IFT80: variants seen among roughly 807,000 people sequenced by gnomAD.
The protein encoded by IFT80 is intraflagellar transport 80, also known as intraflagellar transport protein 80 homolog.
IFT80 carries 79 observed loss-of-function variants against 107.9 expected under a neutral mutation model. That is an observed-to-expected ratio of 0.73 (90% CI 0.61 to 0.88). IFT80 has a LOEUF of 0.88. Ranked by LOEUF, IFT80 falls within the 40% of genes least tolerant of loss-of-function variation. The pLI, the probability that IFT80 is intolerant of heterozygous loss-of-function variation, is 0.00. For synonymous variants in IFT80, 299 were observed against 300.9 expected, an observed-to-expected ratio of 0.99 and a Z score of 0.07; for missense variants, 797 against 914.2, an observed-to-expected ratio of 0.87 and a Z score of 1.65.
chr3:160,360,888 C>G (rs1002608665), intron 6 of IFT80, among the ~76,000 whole-genome samples: 1 of 152,160 alleles, frequency 6.6e-6, no homozygotes, highest in Non-Finnish European at 1.5e-5. Context: ...CAACCAGTAC[C>G]AGCCACTGCA....
At chr3:160,353,911 T>C (rs1187950744) in intron 8 of IFT80, among the ~76,000 whole-genome samples, 2 of 152,212 alleles carry the variant, frequency 1.3e-5, no homozygotes, top group Non-Finnish European at 2.9e-5. Flanking sequence ...AACGACTAGA[T>C]GCCTAACGAG....
In IFT80 at chr3:160,328,866, C is replaced by A. The variant is rs552871695; in HGVS notation, c.778-8927G>T. On this transcript the variant is annotated intron_variant, in intron 8 of 19. Transcript: ENST00000326448. Reference sequence around the variant, plus strand: ...TGGATGGAGTTGGTGGGACATTATCCTTAGCAAACAAACACAGGAGCAGAA... The same window carrying A: ...TGGATGGAGTTGGTGGGACATTATCATTAGCAAACAAACACAGGAGCAGAA... 2.6e-5 allele frequency among the ~76,000 whole-genome samples: 4 copies of A among 152,082 alleles called. No homozygotes were observed. In the South Asian group the frequency reaches 8.3e-4, roughly 32 times the overall value.
At chr3:160,300,007 A>G (rs1034778201) in intron 12 of IFT80, among the ~76,000 whole-genome samples, 5 of 151,572 alleles carry the variant, frequency 3.3e-5, no homozygotes, top group Admixed American at 6.6e-5. Context: ...CCCACTCTCT[A>G]CCTAGCTCAT....
At chr3:160,305,552 T>C (rs1199594132) in intron 10 of IFT80, among the ~76,000 whole-genome samples, 1 of 152,080 alleles carries the variant, frequency 6.6e-6, no homozygotes, top group Non-Finnish European at 1.5e-5. Context: ...GGGTTTAATA[T>C]CCCCTTAGAA....
At position 160,280,728 on chromosome 3, in the gene IFT80, G is replaced by A. The variant is rs1350943963; in HGVS notation, c.1603C>T (p.Pro535Ser). 1.2e-6 allele frequency: 2 copies of A among 1,612,336 alleles called. No individual in the cohort carries two copies. The highest frequency in any genetic ancestry group is 1.7e-4 in the Middle Eastern group (1 of 6,052). Residue 535 changes from proline to serine, a missense_variant, in exon 15 of 20, where the codon CCC becomes TCC. Physicochemically the swap from Pro to Ser is moderately conservative, Grantham distance 74. Coordinates refer to ENST00000326448, the MANE Select transcript of IFT80 (RefSeq NM_020800.3). ...TCTCTGTCCACATAAACTGTATTGG[G>A]GTAATACCACACTATAAATCGAGTA... ...QDTRFIVWYY[P>S]NTVYVDRDIL...
In IFT80 at chr3:160,279,181, A is replaced by G. The variant is rs1484602907; in HGVS notation, c.1836+12T>C. 1.2e-6 allele frequency: 2 copies of G among 1,606,488 alleles called. No homozygotes were observed. Among genetic ancestry groups the G allele is most frequent in the Non-Finnish European group, 1.7e-6 (2 of 1,173,278 alleles). On this transcript the variant is annotated intron_variant, in intron 16 of 19. Transcript: ENST00000326448. ...AATATATATACAACTATGAATCTAA[A>G]ATGTAAATTACCTTAACAAAGCGAC...
At chr3:160,372,360 G>A (rs1180152561) in intron 5 of IFT80, among the ~76,000 whole-genome samples, 1 of 152,126 alleles carries the variant, frequency 6.6e-6, no homozygotes, top group South Asian at 2.1e-4. Flanking sequence ...ACTCTCAGTA[G>A]TTCAGATTTA....
chr3:160,360,447 A>T (rs933453575), intron 6 of IFT80, among the ~76,000 whole-genome samples: 1 of 152,192 alleles, frequency 6.6e-6, no homozygotes, highest in African/African-American at 2.4e-5. Flanking sequence ...ATATTATCCA[A>T]GAGAACTTCC....
At chr3:160,267,140 C>T (rs1428281350) in intron 19 of IFT80, among the ~76,000 whole-genome samples, 1 of 152,150 alleles carries the variant, frequency 6.6e-6, no homozygotes, top group Admixed American at 6.6e-5. Flanking sequence ...AGTTGCACTG[C>T]TAAACTCTAA....
intron 12 of IFT80, 141 bp downstream of exon 12, chr3:160,300,742 G>A: frequency 1.5e-6 from 1 of 673,554 alleles, no homozygotes; most frequent in Non-Finnish European, 2.4e-6. Context: ...CTCATGTTTT[G>A]AAAACAAAAT....
intron 12 of IFT80, among the ~76,000 whole-genome samples, chr3:160,293,432 A>G (rs540330809): frequency 1.3e-5 from 2 of 152,330 alleles, no homozygotes; most frequent in South Asian, 4.2e-4. Context: ...TAATACTGAT[A>G]GTACTGGGAA....
intron 19 of IFT80, among the ~76,000 whole-genome samples, chr3:160,262,131 A>G (rs1251568761): frequency 1.3e-5 from 2 of 152,162 alleles, no homozygotes; most frequent in African/African-American, 4.8e-5. Flanking sequence ...AAAGAGAAAA[A>G]CAAGCCGGTT....
intron 19 of IFT80, among the ~76,000 whole-genome samples, chr3:160,265,312 C>T (rs1012310567): frequency 2.6e-5 from 4 of 152,200 alleles, no homozygotes; most frequent in Non-Finnish European, 4.4e-5. Flanking sequence ...TGTAAAGCAG[C>T]TTTTCGGTAG....
intron 8 of IFT80, among the ~76,000 whole-genome samples, chr3:160,335,383 G>A (rs1719396385): frequency 6.6e-6 from 1 of 151,760 alleles, no homozygotes; most frequent in Non-Finnish European, 1.5e-5. Context: ...CAGCACACCT[G>A]GCTAATTTTT....
At chr3:160,266,824 A>G (rs972505917) in intron 19 of IFT80, among the ~76,000 whole-genome samples, 3 of 152,134 alleles carry the variant, frequency 2.0e-5, no homozygotes, top group African/African-American at 7.2e-5. Flanking sequence ...TTAACATATG[A>G]TCATATATTC....
intron 1 of IFT80, among the ~76,000 whole-genome samples, chr3:160,395,672 G>C (rs78406732): frequency 6.6e-6 from 1 of 152,172 alleles, no homozygotes; most frequent in Non-Finnish European, 1.5e-5. Context: ...CCACAGCAAG[G>C]GGAGAGCCAA....
At chr3:160,339,432 G>A (rs1719727260) in intron 8 of IFT80, among the ~76,000 whole-genome samples, 1 of 151,976 alleles carries the variant, frequency 6.6e-6, no homozygotes, top group South Asian at 2.1e-4. Context: ...CTAGCTTTCT[G>A]TTTTCATTAT....
chr3:160,353,529 T>C (rs564449119), intron 8 of IFT80, among the ~76,000 whole-genome samples: 3 of 152,360 alleles, frequency 2.0e-5, no homozygotes, highest in African/African-American at 7.2e-5. Flanking sequence ...TTACAGACAT[T>C]GCACAAAAAG....
chr3:160,324,155 G>A (rs1395552327), intron 8 of IFT80, among the ~76,000 whole-genome samples: 6 of 151,880 alleles, frequency 4.0e-5, no homozygotes, highest in African/African-American at 1.2e-4. Flanking sequence ...CCAACCAAAA[G>A]GAGTCCAGGA....
Sources: allele counts gnomAD v4.1 joint callset (sites outside exome capture counted in the v4.1 genomes callset), GRCh38; gene constraint gnomAD v4.1.1; transcripts MANE v1.5; gene names NCBI Gene and HGNC (gene_info 2026-07-23, HGNC 2026-07-21).